Variants in MLLT10 observed in about 807,000 individuals in gnomAD.
MLLT10 encodes the protein MLLT10 histone lysine methyltransferase DOT1L cofactor, also known as protein AF-10.
A neutral mutation model predicts 129.1 loss-of-function variants in MLLT10; 30 were observed. The ratio of observed to expected loss-of-function variants is 0.23; its 90% CI spans 0.17 to 0.32. MLLT10 has a LOEUF of 0.32. Among genes scored for constraint, MLLT10 ranks in the 10% least tolerant of loss-of-function variants. The probability of loss-of-function intolerance (pLI) is 1.00; values close to 1 mark genes in which losing one functional copy is unlikely to be tolerated. For synonymous variants in MLLT10, 490 were observed against 446.4 expected, an observed-to-expected ratio of 1.10 and a Z score of -1.23; for missense variants, 1,119 against 1,268.3, an observed-to-expected ratio of 0.88 and a Z score of 1.79.
chr10:21,676,359 A>G (rs1190440694), intron 11 of MLLT10, among the ~76,000 whole-genome samples: 1 of 151,840 alleles, frequency 6.6e-6, no homozygotes, highest in Non-Finnish European at 1.5e-5. Flanking sequence ...CAGAGCTCGC[A>G]GTGAGCAGAG....
chr10:21,701,292 T>C (rs1042189836), intron 13 of MLLT10, among the ~76,000 whole-genome samples: 3 of 151,442 alleles, frequency 2.0e-5, no homozygotes, highest in African/African-American at 7.3e-5. Context: ...TGATTTTTTT[T>C]TTTTTTTTTG....
chr10:21,596,601 G>A (rs1396116680), intron 5 of MLLT10, among the ~76,000 whole-genome samples: 1 of 150,188 alleles, frequency 6.7e-6, no homozygotes, highest in Non-Finnish European at 1.5e-5. Flanking sequence ...GGTACACTGT[G>A]TTACCCTTAA....
At chr10:21,723,967 T>C (rs2057305591) in intron 14 of MLLT10, among the ~76,000 whole-genome samples, 1 of 152,226 alleles carries the variant, frequency 6.6e-6, no homozygotes, top group Admixed American at 6.5e-5. Flanking sequence ...TCCCAAAGAA[T>C]TGACTTCTGG....
intron 3 of MLLT10, among the ~76,000 whole-genome samples, chr10:21,569,577 T>A (rs769327040): frequency 1.3e-5 from 2 of 151,780 alleles, no homozygotes; most frequent in African/African-American, 2.4e-5. Flanking sequence ...TGCGCCATCA[T>A]GCCCGGCTAA....
At chr10:21,602,157 A>C (rs576827766) in intron 5 of MLLT10, among the ~76,000 whole-genome samples, 130 of 152,278 alleles carry the variant, frequency 8.5e-4, no homozygotes, top group Non-Finnish European at 5.4e-4. Context: ...GTACCTAGGC[A>C]CCATTCCATT....
Position 21,671,377 on chromosome 10 carries a change from C to T in MLLT10, c.1051+673C>T, listed in dbSNP as rs151012550. Among the ~76,000 whole-genome samples, 695 of 152,148 alleles carry T rather than the reference C, an allele frequency of 4.6e-3. 7 individuals carry two copies. The highest frequency in any genetic ancestry group is 0.016 in the African/African-American group (649 of 41,502). ...AACATTAAAAACAATTAAGGTTGGCCGGGCGTGGTGGCTCACATCTATAAT... is the reference window on the plus strand; with the variant it reads ...AACATTAAAAACAATTAAGGTTGGCTGGGCGTGGTGGCTCACATCTATAAT... On this transcript the variant is annotated intron_variant, in intron 10 of 22. Transcript: ENST00000307729.
Position 21,742,240 on chromosome 10 carries a change from A to C in MLLT10, c.*257A>C, listed in dbSNP as rs534801613. 6 of 391,386 alleles carry C rather than the reference A, an allele frequency of 1.5e-5. No homozygotes were observed. Among genetic ancestry groups the C allele is most frequent in the Non-Finnish European group, 2.3e-5 (5 of 220,524 alleles). 24.2% of individuals were successfully genotyped at this position (391,386 alleles called of 1,614,324 possible). ...TGGAAAGAAAATTTAATAACTTTTT[A>C]AAGTGACATAATTTACATGCAATAT... On this transcript the variant is annotated 3_prime_UTR_variant, in exon 23 of 23. Transcript: ENST00000307729.
intron 9 of MLLT10, among the ~76,000 whole-genome samples, chr10:21,670,150 G>C (rs2051243586): frequency 6.6e-6 from 1 of 152,094 alleles, no homozygotes; most frequent in African/African-American, 2.4e-5. Context: ...AGTATCTTCA[G>C]TATTACTGTG....
chr10:21,660,910 T>C (rs1315518918), intron 9 of MLLT10, among the ~76,000 whole-genome samples: 1 of 151,736 alleles, frequency 6.6e-6, no homozygotes, highest in African/African-American at 2.4e-5. Flanking sequence ...TGTTCTTCTA[T>C]CTTCTTTTCT....
chr10:21,539,051 G>A, intron 3 of MLLT10, 139 bp downstream of exon 3: 1 of 542,406 alleles, frequency 1.8e-6, no homozygotes, highest in South Asian at 3.2e-5. Flanking sequence ...GCCAAATATT[G>A]ACTTGGAGTA....
At chr10:21,717,673 C>T in intron 14 of MLLT10, among the ~76,000 whole-genome samples, 1 of 126,668 alleles carries the variant, frequency 7.9e-6, no homozygotes, top group East Asian at 2.4e-4. Flanking sequence ...TCTTCCTCCT[C>T]CTCTTCCTCC....
intron 5 of MLLT10, among the ~76,000 whole-genome samples, chr10:21,603,151 C>T (rs1380379928): frequency 6.6e-6 from 1 of 151,664 alleles, no homozygotes; most frequent in African/African-American, 2.4e-5. Context: ...CTCCCGAGTT[C>T]AAGCCATTCT....
chr10:21,569,679 C>T (rs1588996902), intron 3 of MLLT10, among the ~76,000 whole-genome samples: 2 of 151,990 alleles, frequency 1.3e-5, no homozygotes, highest in African/African-American at 4.8e-5. Flanking sequence ...CCTCAGGCTC[C>T]CAAAGTGCTG....
chr10:21,697,197 T>G (rs1210894853), intron 13 of MLLT10, among the ~76,000 whole-genome samples: 1 of 150,222 alleles, frequency 6.7e-6, no homozygotes, highest in Non-Finnish European at 1.5e-5. Flanking sequence ...CCGGGCATGG[T>G]GGCTCATGCC....
At chr10:21,693,651 G>C (rs774407326) in intron 13 of MLLT10, among the ~76,000 whole-genome samples, 6 of 151,694 alleles carry the variant, frequency 4.0e-5, no homozygotes, top group Non-Finnish European at 7.4e-5. Flanking sequence ...GAGAATTCAT[G>C]CGTTTCACCG....
In MLLT10 at chr10:21,734,080, A is replaced by G. The variant is rs1357008111; in HGVS notation, c.2809A>G (p.Thr937Ala). The G allele has an allele frequency of 6.2e-7, 1 of 1,613,818 alleles. No individual in the cohort carries two copies. ...SQNPTPLTHT[T>A]VPPNATHPMP... ...GAACCCTACCCCTCTCACCCACACA[A>G]CCGTACCACCTAATGCAACACATCC... The change falls in exon 20 of 23, where the codon ACC becomes GCC. Residue 937 changes from threonine (T) to alanine (A), a missense_variant. Transcript: ENST00000307729.
intron 13 of MLLT10, 99 bp downstream of exon 13, chr10:21,682,356 TG>T: frequency 2.6e-6 from 3 of 1,156,306 alleles, no homozygotes; most frequent in Non-Finnish European, 3.7e-6. Flanking sequence ...ATTGATTAGA[TG>T]AAATCCAGTG....
chr10:21,734,500 T>C (rs1222774132), intron 20 of MLLT10, among the ~76,000 whole-genome samples: 2 of 152,232 alleles, frequency 1.3e-5, no homozygotes, highest in Non-Finnish European at 2.9e-5. Context: ...AATGTTCTAA[T>C]CAAAGATTTT....
At chr10:21,592,692 C>T (rs2042626218) in intron 4 of MLLT10, among the ~76,000 whole-genome samples, 1 of 151,934 alleles carries the variant, frequency 6.6e-6, no homozygotes, top group South Asian at 2.1e-4. Flanking sequence ...TCCTGACCGC[C>T]TGATCTCTTC....
Sources: allele counts gnomAD v4.1 joint callset (sites outside exome capture counted in the v4.1 genomes callset), GRCh38; gene constraint gnomAD v4.1.1; transcripts MANE v1.5; gene names NCBI Gene and HGNC (gene_info 2026-07-23, HGNC 2026-07-21).